Variants in SEL1L2 observed in about 807,000 individuals in gnomAD.
SEL1L2 encodes the protein protein sel-1 homolog 2.
In SEL1L2, 89 loss-of-function variants were observed where a neutral mutation model predicts 98.8. The observed-to-expected ratio is 0.90, with a 90% CI of 0.76 to 1.07. SEL1L2 has a LOEUF of 1.07. SEL1L2 is among the 50% of genes least tolerant of loss of function. The probability of loss-of-function intolerance (pLI) is 0.00; values close to 1 mark genes in which losing one functional copy is unlikely to be tolerated. For synonymous variants in SEL1L2, 262 were observed against 278.5 expected, an observed-to-expected ratio of 0.94 and a Z score of 0.59; for missense variants, 788 against 812.0, an observed-to-expected ratio of 0.97 and a Z score of 0.36.
chr20:13,991,317 A>C (rs1036138453), upstream of SEL1L2, among the ~76,000 whole-genome samples: 3 of 152,218 alleles, frequency 2.0e-5, no homozygotes, highest in Non-Finnish European at 4.4e-5. Context: ...ATTGTTTTGA[A>C]TTTACAGTTT....
chr20:13,874,256 T>C (rs999485048), intron 12 of SEL1L2, among the ~76,000 whole-genome samples: 6 of 152,292 alleles, frequency 3.9e-5, no homozygotes, highest in African/African-American at 1.4e-4. Flanking sequence ...CTCTGTGTCA[T>C]GGTATTGATA....
At chr20:13,898,850 C>T (rs531190725) in intron 5 of SEL1L2, among the ~76,000 whole-genome samples, 10 of 152,168 alleles carry the variant, frequency 6.6e-5, no homozygotes, top group South Asian at 6.2e-4. Flanking sequence ...TCAAGAGATT[C>T]TCCTGCCTCA....
chr20:13,941,400 C>T (rs566022166), intron 2 of SEL1L2, among the ~76,000 whole-genome samples: 19 of 152,204 alleles, frequency 1.2e-4, no homozygotes, highest in South Asian at 6.2e-4. Context: ...CTGCCTTCCC[C>T]GGGTTTCTGG....
chr20:13,902,762 G>A (rs1337757465), intron 5 of SEL1L2, among the ~76,000 whole-genome samples: 1 of 152,138 alleles, frequency 6.6e-6, no homozygotes, highest in African/African-American at 2.4e-5. Context: ...AGAGGAGAGA[G>A]TTAATATCTA....
chr20:13,939,045 T>TTTTTTG (rs2049613183), intron 2 of SEL1L2, among the ~76,000 whole-genome samples: 4 of 134,464 alleles, frequency 3.0e-5, no homozygotes, highest in Non-Finnish European at 6.4e-5. Flanking sequence ...GTTTTGTTTT[T>TTTTTTG]TTTTTTTTTT....
At chr20:13,889,608 A>G (rs74179723) in intron 5 of SEL1L2, among the ~76,000 whole-genome samples, 16,722 of 151,942 alleles carry the variant, frequency 0.11, 1,001 homozygotes, top group African/African-American at 0.15. Flanking sequence ...TGGCTAACAC[A>G]GTGAAACCCT....
chr20:13,887,177 G>A (rs1033935122), intron 8 of SEL1L2, among the ~76,000 whole-genome samples: 10 of 152,164 alleles, frequency 6.6e-5, no homozygotes, highest in Non-Finnish European at 1.0e-4. Flanking sequence ...TGTGCAGTTT[G>A]AAATATATAT....
chr20:13,871,777 G>T (rs1453390171), intron 12 of SEL1L2, among the ~76,000 whole-genome samples: 1 of 151,928 alleles, frequency 6.6e-6, no homozygotes, highest in African/African-American at 2.4e-5. Flanking sequence ...TTCCCAAAGT[G>T]GTGGGATTAC....
At chr20:13,989,481 A>G (rs1277695652) in intron 1 of SEL1L2, among the ~76,000 whole-genome samples, 1 of 152,192 alleles carries the variant, frequency 6.6e-6, no homozygotes, top group East Asian at 1.9e-4. Context: ...TGTAATTGCC[A>G]TAGCTAGAAC....
Position 13,930,940 on chromosome 20 carries a change from G to A in SEL1L2, c.283+663C>T, listed in dbSNP as rs140775246. 3.4e-4 allele frequency among the ~76,000 whole-genome samples: 52 copies of A among 152,032 alleles called. No homozygotes were observed. In the East Asian group the frequency reaches 4.9e-3, roughly 14 times the overall value. On this transcript the variant is annotated intron_variant, in intron 3 of 19. Coordinates refer to ENST00000284951, the MANE Select transcript of SEL1L2 (RefSeq NM_025229.2). Reference sequence around the variant, plus strand: ...AATCTAAAATAGTGGGTAACAGCCCGGGCAACATAGCAAGCCCTCGTCTCT... The same window carrying A: ...AATCTAAAATAGTGGGTAACAGCCCAGGCAACATAGCAAGCCCTCGTCTCT...
chr20:13,955,644 G>C (rs982292029), intron 2 of SEL1L2, among the ~76,000 whole-genome samples: 1 of 152,086 alleles, frequency 6.6e-6, no homozygotes, highest in African/African-American at 2.4e-5. Flanking sequence ...ATCATTGCTG[G>C]GTTGAGAATA....
intron 10 of SEL1L2, 93 bp downstream of exon 10, chr20:13,885,254 C>T (rs2046895245): frequency 3.7e-6 from 3 of 820,596 alleles, no homozygotes; most frequent in East Asian, 4.9e-5. Flanking sequence ...AGCAACTCTT[C>T]CACCTCTCCC....
At chr20:13,966,931 G>C (rs193243155) in intron 1 of SEL1L2, among the ~76,000 whole-genome samples, 1 of 138,234 alleles carries the variant, frequency 7.2e-6, no homozygotes, top group East Asian at 2.2e-4. Context: ...ACCCAGGCTG[G>C]AGTGCAGTGG....
intron 3 of SEL1L2, among the ~76,000 whole-genome samples, chr20:13,923,747 C>T (rs1402834543): frequency 6.6e-6 from 1 of 152,104 alleles, no homozygotes; most frequent in African/African-American, 2.4e-5. Context: ...GAGTAAGACT[C>T]TTCCTCAATA....
chr20:13,881,302 G>A (rs1310314684), intron 10 of SEL1L2, among the ~76,000 whole-genome samples: 2 of 152,148 alleles, frequency 1.3e-5, no homozygotes, highest in Non-Finnish European at 2.9e-5. Flanking sequence ...GTGAGCCACC[G>A]TGCCTGGCCT....
rs1172405676 is a variant in SEL1L2, at chr20:13,865,422, A to G, written c.1497T>C (p.Leu499=). The G allele has an allele frequency of 6.2e-7, 1 of 1,614,040 alleles. No homozygotes were observed. The highest frequency in any genetic ancestry group is 8.5e-7 in the Non-Finnish European group (1 of 1,179,994). The change falls in exon 16 of 20, where the codon CTT becomes CTC. Residue 499 remains leucine, a synonymous_variant. Transcript: ENST00000284951. ...TTTCTGCAAGCAGTGCATACTGAAC[A>G]AGAGAAGAATCTATATCACCATCCT... The part of the protein sequence containing the change: ...AYKDGDIDSS[L]VQYALLAEMG...
At chr20:13,995,180 C>G (rs2052611893), upstream of SEL1L2, 1 of 166,756 alleles carries the variant, frequency 6.0e-6, no homozygotes, top group African/African-American at 2.4e-5. This position sits in a 1 kb window ranked among gnomAD's most constrained non-coding sequence, Gnocchi z 4.3. Flanking sequence ...GCCACGCCCT[C>G]AAGTCTTCCA....
chr20:13,908,963 G>T (rs1310491178), intron 5 of SEL1L2, among the ~76,000 whole-genome samples: 1 of 149,810 alleles, frequency 6.7e-6, no homozygotes, highest in African/African-American at 2.5e-5. Context: ...CTATCTTTTT[G>T]TTCTTGTTAT....
intron 5 of SEL1L2, among the ~76,000 whole-genome samples, chr20:13,901,055 T>C (rs1225456468): frequency 6.6e-6 from 1 of 151,236 alleles, no homozygotes; most frequent in Non-Finnish European, 1.5e-5. Context: ...CCTTTTCTTT[T>C]TCTTTTTCTT....
Sources: allele counts gnomAD v4.1 joint callset (sites outside exome capture counted in the v4.1 genomes callset), GRCh38; gene constraint gnomAD v4.1.1; non-coding constraint Gnocchi (gnomAD v3.1); transcripts MANE v1.5; gene names NCBI Gene and HGNC (gene_info 2026-07-23, HGNC 2026-07-21).